Variants in FARP1 observed in about 807,000 individuals in gnomAD.
FARP1 encodes FERM, ARHGEF and pleckstrin domain-containing protein 1.
Under a neutral mutation model 128.8 loss-of-function variants are expected in FARP1, and 52 were observed. The observed-to-expected ratio is 0.40, with a 90% CI of 0.32 to 0.51. The LOEUF is 0.51. Ranked by LOEUF, FARP1 falls within the 20% of genes least tolerant of loss-of-function variation. The probability of loss-of-function intolerance (pLI) is 0.45; values close to 1 mark genes in which losing one functional copy is unlikely to be tolerated. For synonymous variants in FARP1, 580 were observed against 551.8 expected, an observed-to-expected ratio of 1.05 and a Z score of -0.72; for missense variants, 1,333 against 1,367.9, an observed-to-expected ratio of 0.97 and a Z score of 0.40.
At chr13:98,426,323 A>G (rs7996073) in intron 17 of FARP1, among the ~76,000 whole-genome samples, 12,394 of 152,106 alleles carry the variant, frequency 0.081, 1,464 homozygotes, top group African/African-American at 0.26. Flanking sequence ...ACTTGTCTCT[A>G]TGAAAAATAA....
intron 17 of FARP1, among the ~76,000 whole-genome samples, chr13:98,426,788 A>G (rs1222140756): frequency 1.3e-5 from 2 of 152,270 alleles, no homozygotes; most frequent in Non-Finnish European, 2.9e-5. Flanking sequence ...AAGATGTTCC[A>G]TAGCCACAGT....
rs1375309232 is a variant in FARP1, at chr13:98,373,531, CAG to C, written c.399-4288_399-4287del. 1.5e-3 allele frequency among the ~76,000 whole-genome samples: 170 copies of C among 116,936 alleles called. No homozygotes were observed. The South Asian group carries it at 0.025, about 17-fold the overall frequency. 76.7% of individuals were successfully genotyped at this position (116,936 alleles called of 152,430 possible). On this transcript the variant is annotated intron_variant, in intron 5 of 26. Transcript: ENST00000319562. ...CTTTGACTTTCCAGAGACAGACAGA[CAG>C]ACACACACACACACACACACACACA...
At chr13:98,351,955 AC>A (rs1461553211) in intron 3 of FARP1, among the ~76,000 whole-genome samples, 21 of 152,316 alleles carry the variant, frequency 1.4e-4, no homozygotes, top group African/African-American at 4.8e-4. Flanking sequence ...AGGGACAAAT[AC>A]CCAAACCATA....
chr13:98,172,771 G>T (rs188753294), intron 1 of FARP1, among the ~76,000 whole-genome samples: 3 of 152,304 alleles, frequency 2.0e-5, no homozygotes, highest in South Asian at 2.1e-4. Context: ...AAGGAAGAAA[G>T]AATTCTTTCT....
At chr13:98,306,037 T>C (rs1201900686) in intron 2 of FARP1, among the ~76,000 whole-genome samples, 1 of 152,208 alleles carries the variant, frequency 6.6e-6, no homozygotes, top group Non-Finnish European at 1.5e-5. Context: ...TTCAGTAGAC[T>C]ATGAAAGAAG....
chr13:98,392,848 G>T (rs1367642389), intron 11 of FARP1, among the ~76,000 whole-genome samples: 7 of 149,740 alleles, frequency 4.7e-5, no homozygotes, highest in Admixed American at 4.6e-4. Context: ...TTTTTTTGGA[G>T]ATGAATCCCA....
At chr13:98,209,448 A>C (rs1880518216) in intron 1 of FARP1, among the ~76,000 whole-genome samples, 1 of 145,528 alleles carries the variant, frequency 6.9e-6, no homozygotes, top group Non-Finnish European at 1.5e-5. Flanking sequence ...AGGGATCAGG[A>C]GACAGACTAT....
intron 2 of FARP1, among the ~76,000 whole-genome samples, chr13:98,265,350 C>T (rs1214488646): frequency 1.5e-4 from 17 of 112,498 alleles, no homozygotes; most frequent in Admixed American, 4.8e-4. Context: ...GACGGAGTCT[C>T]GCTCTGTCGC....
At chr13:98,225,144 A>G (rs779501169) in intron 2 of FARP1, among the ~76,000 whole-genome samples, 7 of 152,336 alleles carry the variant, frequency 4.6e-5, no homozygotes, top group Middle Eastern at 3.4e-3. Context: ...AGATGTTACT[A>G]TTAACCATCT....
At chr13:98,446,999 G>T in intron 26 of FARP1, 182 bp downstream of exon 26, 1 of 626,272 alleles carries the variant, frequency 1.6e-6, no homozygotes, top group Admixed American at 2.9e-5. Flanking sequence ...AGAAAGTGGG[G>T]TCCCAACTTC....
In FARP1 at chr13:98,379,172, C is replaced by A. The variant is rs867507377; in HGVS notation, c.496+1254C>A. ...ATATAATATATATATAATATATAAT[C>A]TATATATAATATATATAATATATAA... On this transcript the variant is annotated intron_variant, in intron 6 of 26. Coordinates refer to ENST00000319562, the MANE Select transcript of FARP1 (RefSeq NM_005766.4). Among the ~76,000 whole-genome samples the A allele has an allele frequency of 1.8e-3, 148 of 83,284 alleles. 3 individuals are homozygous for A. Among genetic ancestry groups the A allele is most frequent in the Middle Eastern group, 0.013 (2 of 158 alleles). The allele number at this position is 83,284 out of a possible 152,430, so 54.6% of individuals were successfully genotyped here.
intron 26 of FARP1, chr13:98,447,996 G>A (rs975886499): frequency 8.7e-5 from 49 of 562,146 alleles, no homozygotes; most frequent in Middle Eastern, 4.7e-4. Flanking sequence ...CCAATGGAGC[G>A]GGCAGTGTCA....
Position 98,173,289 on chromosome 13 carries a change from C to A in FARP1, c.-24+29797C>A, listed in dbSNP as rs748503509. On this transcript the variant is annotated intron_variant, in intron 1 of 26. Transcript: ENST00000319562. ...TGGGCAGTTGGCACACAGAAAAAGT[C>A]AACAGCAAAATGTCCCTGTTTTCTT... 8.1e-4 allele frequency among the ~76,000 whole-genome samples: 123 copies of A among 152,302 alleles called. No homozygotes were observed. In the Middle Eastern group the frequency reaches 0.014, roughly 17 times the overall value.
At chr13:98,217,169 G>A (rs751589385) in intron 2 of FARP1, among the ~76,000 whole-genome samples, 3 of 152,214 alleles carry the variant, frequency 2.0e-5, no homozygotes, top group Admixed American at 1.3e-4. Context: ...TTCAGTTTAT[G>A]TATTTTCATT....
intron 5 of FARP1, among the ~76,000 whole-genome samples, chr13:98,377,300 CA>C (rs78313498): frequency 0.42 from 41,532 of 99,430 alleles, 5,950 homozygotes; most frequent in African/African-American, 0.53. Flanking sequence ...GACTTTGTCT[CA>C]AAAAAAAAAA....
chr13:98,275,578 T>C (rs1003639567), intron 2 of FARP1, among the ~76,000 whole-genome samples: 17 of 151,568 alleles, frequency 1.1e-4, no homozygotes, highest in Non-Finnish European at 2.5e-4. Flanking sequence ...ATTCCTAACA[T>C]TGTTAGAGTT....
chr13:98,425,490 GT>G (rs764114673), intron 17 of FARP1: 2 of 152,618 alleles, frequency 1.3e-5, no homozygotes, highest in Non-Finnish European at 1.5e-5. Flanking sequence ...CGCCTCCCAG[GT>G]TCAAGCCATT....
intron 2 of FARP1, among the ~76,000 whole-genome samples, chr13:98,264,774 T>C (rs1884024357): frequency 1.3e-5 from 2 of 152,364 alleles, no homozygotes; most frequent in South Asian, 4.1e-4. Flanking sequence ...TTTTATTCTA[T>C]AGTTAGAATT....
intron 13 of FARP1, chr13:98,397,597 G>C (rs904694771): frequency 5.9e-5 from 9 of 152,146 alleles, no homozygotes; most frequent in African/African-American, 1.9e-4. Context: ...GTTTTCACTT[G>C]AAGTTTCTCT....
Sources: gnomAD v4.1 joint callset for allele counts (sites outside exome capture counted in the v4.1 genomes callset) on GRCh38, gnomAD v4.1.1 for gene constraint, MANE v1.5 for transcripts, NCBI Gene and HGNC (gene_info 2026-07-23, HGNC 2026-07-21) for gene names.